MTUS1: variants seen among roughly 807,000 people sequenced by gnomAD.
MTUS1 encodes the protein microtubule-associated tumor suppressor 1.
Under a neutral mutation model 120.8 loss-of-function variants are expected in MTUS1, and 109 were observed. That is an observed-to-expected ratio of 0.90 (90% CI 0.77 to 1.06). The LOEUF (loss-of-function observed/expected upper bound fraction) is 1.06, where lower values mean the gene tolerates loss of function less well. MTUS1 is among the 50% of genes least tolerant of loss of function. MTUS1 has a pLI of 0.00. For synonymous variants in MTUS1, 737 were observed against 550.5 expected, an observed-to-expected ratio of 1.34 and a Z score of -4.74; for missense variants, 2,210 against 1,486.3, an observed-to-expected ratio of 1.49 and a Z score of -8.01.
At chr8:17,723,984 A>G (rs2046025436) in intron 3 of MTUS1, 151 bp from the exon 4 acceptor site, 1 of 640,252 alleles carries the variant, frequency 1.6e-6, no homozygotes, top group Non-Finnish European at 2.7e-6. Flanking sequence ...TGAAAGATGA[A>G]AGCTTCACGC....
chr8:17,671,836 G>A (rs1357610232), intron 8 of MTUS1, among the ~76,000 whole-genome samples: 8 of 152,182 alleles, frequency 5.3e-5, no homozygotes, highest in African/African-American at 1.4e-4. Flanking sequence ...GAAGAAGTGG[G>A]TGCTTTGATG....
intron 2 of MTUS1, among the ~76,000 whole-genome samples, chr8:17,744,551 G>T (rs2047586983): frequency 6.6e-6 from 1 of 152,072 alleles, no homozygotes; most frequent in Admixed American, 6.6e-5. Context: ...CTCCTGAGTA[G>T]CTGGGATTAC....
chr8:17,690,619 A>AAATATTTAC (rs1376164281), intron 6 of MTUS1, among the ~76,000 whole-genome samples: 8 of 152,252 alleles, frequency 5.3e-5, no homozygotes, highest in Non-Finnish European at 1.2e-4. Context: ...TAAACATTAG[A>AAATATTTAC]AATATTTACA....
At chr8:17,789,896 G>A (rs1346102360) in intron 1 of MTUS1, among the ~76,000 whole-genome samples, 1 of 152,148 alleles carries the variant, frequency 6.6e-6, no homozygotes, top group African/African-American at 2.4e-5. Context: ...ATATTCAGCT[G>A]AAACTGTGGT....
At chr8:17,794,921 A>G (rs2052098094) in intron 1 of MTUS1, among the ~76,000 whole-genome samples, 1 of 152,178 alleles carries the variant, frequency 6.6e-6, no homozygotes, top group Admixed American at 6.5e-5. Context: ...TTACGAGGAC[A>G]TGCAGTTTCA....
chr8:17,741,780 A>C (rs2047335920), intron 3 of MTUS1, among the ~76,000 whole-genome samples: 1 of 152,208 alleles, frequency 6.6e-6, no homozygotes, highest in Admixed American at 6.5e-5. Context: ...CAGTAACAGC[A>C]GTTACTCAGA....
chr8:17,731,105 C>T (rs914730574), intron 3 of MTUS1, among the ~76,000 whole-genome samples: 2 of 152,164 alleles, frequency 1.3e-5, no homozygotes, highest in African/African-American at 4.8e-5. Flanking sequence ...GTGGTATATA[C>T]ATCTCAGAGA....
chr8:17,743,899 A>C (rs989195237), intron 2 of MTUS1, 100 bp from the exon 3 acceptor site: 159 of 1,003,014 alleles, frequency 1.6e-4, no homozygotes, highest in Non-Finnish European at 2.3e-4. Context: ...ATTCCAAAGA[A>C]ACCTAAAAAA....
intron 12 of MTUS1, among the ~76,000 whole-genome samples, chr8:17,651,235 T>A (rs1806925487): frequency 6.6e-6 from 1 of 152,044 alleles, no homozygotes; most frequent in South Asian, 2.1e-4. Context: ...GGTTAATGCA[T>A]ACAAACATAC....
intron 1 of MTUS1, among the ~76,000 whole-genome samples, chr8:17,771,945 G>C (rs1055399912): frequency 5.3e-5 from 8 of 152,154 alleles, no homozygotes; most frequent in African/African-American, 1.9e-4. Context: ...ACATTCTATG[G>C]ACAGAAACTT....
chr8:17,703,628 C>A (rs866978727), intron 6 of MTUS1, among the ~76,000 whole-genome samples: 278 of 114,926 alleles, frequency 2.4e-3, no homozygotes, highest in South Asian at 3.9e-3. Context: ...GACTCTGTCT[C>A]AAAAAAAAAA....
intron 8 of MTUS1, among the ~76,000 whole-genome samples, chr8:17,673,872 A>T (rs1380015121): frequency 6.6e-6 from 1 of 152,150 alleles, no homozygotes; most frequent in Non-Finnish European, 1.5e-5. Context: ...TGTCCAAAAG[A>T]AAAAAGGGCA....
At chr8:17,665,224 G>A (rs1810642838) in intron 8 of MTUS1, among the ~76,000 whole-genome samples, 1 of 152,104 alleles carries the variant, frequency 6.6e-6, no homozygotes, top group African/African-American at 2.4e-5. Flanking sequence ...ATCTCCAAAT[G>A]CCTTTCTGAT....
chr8:17,755,085 C>G lies in MTUS1; in HGVS notation c.723G>C (p.Met241Ile). 1 of 1,613,806 alleles carries G rather than the reference C, an allele frequency of 6.2e-7. No individual in the cohort carries two copies. Among genetic ancestry groups the G allele is most frequent in the Non-Finnish European group, 8.5e-7 (1 of 1,180,030 alleles). ...CCACATCAGAAAATGCTGTGTAAGT[C>G]ATGTCTTGGGCTTCTGATGGTGTGA... ...PQVTPSEAQD[M>I]TYTAFSDVVM... The change falls in exon 2 of 15, where the codon ATG becomes ATC. Residue 241 changes from methionine to isoleucine, a missense_variant. By Grantham distance (10) the Met-to-Ile change is conservative. Coordinates refer to ENST00000693296, the MANE Select transcript of MTUS1 (RefSeq NM_001363059.2).
chr8:17,656,143 G>A (rs1476149325), intron 8 of MTUS1, 78 bp from the exon 9 acceptor site: 30 of 1,294,876 alleles, frequency 2.3e-5, no homozygotes, highest in Non-Finnish European at 3.3e-5. Flanking sequence ...GTCACACACA[G>A]CTGTGATGAC....
chr8:17,750,555 T>C (rs1252459347), intron 2 of MTUS1, among the ~76,000 whole-genome samples: 1 of 152,238 alleles, frequency 6.6e-6, no homozygotes, highest in Non-Finnish European at 1.5e-5. Context: ...GTGAGGGCTC[T>C]GAGTGTGAAT....
chr8:17,764,515 G>A (rs746747167), intron 1 of MTUS1, among the ~76,000 whole-genome samples: 1 of 151,852 alleles, frequency 6.6e-6, no homozygotes, highest in Non-Finnish European at 1.5e-5. Context: ...CCCTGTTCCT[G>A]TTTCATCTTT....
intron 1 of MTUS1, among the ~76,000 whole-genome samples, chr8:17,768,502 G>T (rs1205361124): frequency 6.6e-6 from 1 of 150,666 alleles, no homozygotes; most frequent in African/African-American, 2.4e-5. Context: ...AACAAAGAAA[G>T]CTATGAGAGA....
At chr8:17,730,564 A>C (rs1256929104) in intron 3 of MTUS1, among the ~76,000 whole-genome samples, 1 of 152,070 alleles carries the variant, frequency 6.6e-6, no homozygotes, top group Non-Finnish European at 1.5e-5. Flanking sequence ...TATTCACAAT[A>C]GCCAAAATGT....
Sources: allele counts gnomAD v4.1 joint callset (sites outside exome capture counted in the v4.1 genomes callset), GRCh38; gene constraint gnomAD v4.1.1; transcripts MANE v1.5; gene names NCBI Gene and HGNC (gene_info 2026-07-23, HGNC 2026-07-21).